The following ASPRV1 variants were observed in gnomAD, a reference collection of about 807,000 sequenced individuals.
ASPRV1 encodes the protein aspartic peptidase retroviral like 1, also known as retroviral-like aspartic protease 1.
Under a neutral mutation model 11.0 loss-of-function variants are expected in ASPRV1, and 7 were observed. That is an observed-to-expected ratio of 0.64 (90% CI 0.36 to 1.20). ASPRV1 has a LOEUF of 1.20. Ranked by LOEUF, ASPRV1 falls within the 50% of genes most tolerant of loss-of-function variation. ASPRV1 has a pLI of 0.02. For synonymous variants in ASPRV1, 136 were observed against 138.4 expected (o/e 0.98, Z 0.12); for missense variants, 299 against 320.0 (o/e 0.93, Z 0.50).
the ASPRV1 span, among the ~76,000 whole-genome samples, chr2:69,947,297 C>T: frequency 1.3e-4 from 20 of 152,176 alleles, no homozygotes; most frequent in Admixed American, 1.3e-3. Flanking sequence ...CTTGTCACCA[C>T]ACTTTATAAT....
the ASPRV1 span, among the ~76,000 whole-genome samples, chr2:69,948,447 C>G: frequency 6.6e-6 from 1 of 152,186 alleles, no homozygotes; most frequent in African/African-American, 2.4e-5. Flanking sequence ...TTCTCTACAT[C>G]TAGGGATGAC....
At chr2:70,026,381 A>AG in the ASPRV1 span, among the ~76,000 whole-genome samples, 1 of 152,084 alleles carries the variant, frequency 6.6e-6, no homozygotes, top group African/African-American at 2.4e-5. Flanking sequence ...TCAGAAAAAA[A>AG]AAAAAGAAAT....
chr2:69,955,876 TTTC>T (rs1209939594), downstream of ASPRV1, among the ~76,000 whole-genome samples: 2 of 151,964 alleles, frequency 1.3e-5, no homozygotes, highest in Non-Finnish European at 2.9e-5. Context: ...ACTCTATGGT[TTTC>T]TTCTTAGCTC....
At chr2:69,964,502 G>T, upstream of ASPRV1, 1 of 308,962 alleles carries the variant, frequency 3.2e-6, no homozygotes. Flanking sequence ...CCCTAGAACA[G>T]CCTGGAAGCA....
At chr2:69,978,626 G>A in the ASPRV1 span, among the ~76,000 whole-genome samples, 1 of 152,204 alleles carries the variant, frequency 6.6e-6, no homozygotes, top group South Asian at 2.1e-4. Context: ...GCCACAGCAA[G>A]GCATGACAAG....
the ASPRV1 span, among the ~76,000 whole-genome samples, chr2:70,032,472 C>T: frequency 6.6e-6 from 1 of 151,548 alleles, no homozygotes; most frequent in African/African-American, 2.4e-5. Context: ...GCCTAAGCAA[C>T]CTGGCGAGAC....
At chr2:70,008,337 C>T in the ASPRV1 span, among the ~76,000 whole-genome samples, 1 of 152,138 alleles carries the variant, frequency 6.6e-6, no homozygotes, top group Non-Finnish European at 1.5e-5. Context: ...TAGTCTATAA[C>T]TCAACTCATT....
chr2:70,004,170 C>T, the ASPRV1 span, among the ~76,000 whole-genome samples: 2 of 152,020 alleles, frequency 1.3e-5, no homozygotes, highest in African/African-American at 4.8e-5. Flanking sequence ...TTTTCTGTAG[C>T]CTGAAAGTCT....
the ASPRV1 span, chr2:69,938,013 C>G: frequency 3.7e-6 from 5 of 1,349,372 alleles, no homozygotes; most frequent in Non-Finnish European, 5.1e-6. Context: ...TCCCAAAGTG[C>G]TGGGATTACA....
chr2:70,017,839 T>G, the ASPRV1 span, among the ~76,000 whole-genome samples: 2 of 152,112 alleles, frequency 1.3e-5, no homozygotes, highest in African/African-American at 4.8e-5. Context: ...CAATAGCTAT[T>G]TAAAAATACT....
chr2:69,979,481 G>C, the ASPRV1 span, among the ~76,000 whole-genome samples: 1 of 152,240 alleles, frequency 6.6e-6, no homozygotes, highest in Non-Finnish European at 1.5e-5. Flanking sequence ...GAACTGGGGA[G>C]TGGGAAGAGG....
At chr2:70,011,261 CTAAAT>C in the ASPRV1 span, among the ~76,000 whole-genome samples, 1 of 151,832 alleles carries the variant, frequency 6.6e-6, no homozygotes, top group African/African-American at 2.4e-5. Flanking sequence ...ACCCCTGAAC[CTAAAT>C]TAAAAGTTAA....
the ASPRV1 span, among the ~76,000 whole-genome samples, chr2:70,008,668 T>G: frequency 6.6e-6 from 1 of 151,764 alleles, no homozygotes; most frequent in Non-Finnish European, 1.5e-5. Context: ...TCAACTATTG[T>G]GTTAGTGTAT....
At chr2:69,933,282 G>T in the ASPRV1 span, among the ~76,000 whole-genome samples, 1 of 147,170 alleles carries the variant, frequency 6.8e-6, no homozygotes, top group African/African-American at 2.5e-5. Flanking sequence ...ATTTATAAAT[G>T]TATAAATTAT....
chr2:69,998,468 G>A, the ASPRV1 span, among the ~76,000 whole-genome samples: 3 of 152,152 alleles, frequency 2.0e-5, no homozygotes, highest in Non-Finnish European at 4.4e-5. Flanking sequence ...GGTGCCGGGC[G>A]CAGTGGCTCA....
At chr2:70,017,867 C>A in the ASPRV1 span, 1 of 152,108 alleles carries the variant, frequency 6.6e-6, no homozygotes, top group Non-Finnish European at 1.5e-5. Flanking sequence ...AGGCTGGGCG[C>A]AGTGGCTCGC....
the ASPRV1 span, among the ~76,000 whole-genome samples, chr2:70,033,980 C>T: frequency 6.6e-6 from 1 of 151,344 alleles, no homozygotes; most frequent in Non-Finnish European, 1.5e-5. Context: ...CGGTGAAACC[C>T]CGTCTCTACT....
At chr2:69,938,900 A>C in the ASPRV1 span, 25 of 152,602 alleles carry the variant, frequency 1.6e-4, no homozygotes, top group African/African-American at 5.8e-4. Flanking sequence ...TAAAATGGAC[A>C]CCTTGATAGT....
At chr2:70,036,013 T>C in the ASPRV1 span, among the ~76,000 whole-genome samples, 17 of 151,736 alleles carry the variant, frequency 1.1e-4, no homozygotes, top group Admixed American at 9.8e-4. Flanking sequence ...AAATGAACTT[T>C]GAGGCTGAAT....
Sources: gnomAD v4.1 joint callset for allele counts (sites outside exome capture counted in the v4.1 genomes callset) on GRCh38, gnomAD v4.1.1 for gene constraint, MANE v1.5 for transcripts, NCBI Gene and HGNC (gene_info 2026-07-23, HGNC 2026-07-21) for gene names.